TRAK1: variants seen among roughly 807,000 people sequenced by gnomAD.
TRAK1 encodes the protein trafficking kinesin protein 1.
A neutral mutation model predicts 92.1 loss-of-function variants in TRAK1; 33 were observed. The observed-to-expected ratio is 0.36, with a 90% CI of 0.27 to 0.48. The LOEUF is 0.48. TRAK1 is among the 20% of genes least tolerant of loss of function. TRAK1 has a pLI of 0.99. For synonymous variants in TRAK1, 521 were observed against 517.3 expected, an observed-to-expected ratio of 1.01 and a Z score of -0.10; for missense variants, 1,123 against 1,257.9, an observed-to-expected ratio of 0.89 and a Z score of 1.62.
intron 2 of TRAK1, among the ~76,000 whole-genome samples, chr3:42,126,789 TAAAC>T (rs760226753): frequency 6.6e-6 from 1 of 152,258 alleles, no homozygotes. Flanking sequence ...TTATTTGTAA[TAAAC>T]AAATTGGTAC....
At chr3:42,177,036 T>C in intron 3 of TRAK1, 146 bp downstream of exon 3, 1 of 697,154 alleles carries the variant, frequency 1.4e-6, no homozygotes, top group Non-Finnish European at 2.4e-6. Context: ...CTTTACTTTT[T>C]GAACTAGTAG....
intron 2 of TRAK1, among the ~76,000 whole-genome samples, chr3:42,171,979 G>A (rs543034017): frequency 1.4e-4 from 22 of 152,086 alleles, no homozygotes; most frequent in Admixed American, 3.3e-4. Flanking sequence ...CCCCCTCTCC[G>A]TCCCCATTAG....
chr3:42,104,907 C>G (rs1272769083), intron 1 of TRAK1, among the ~76,000 whole-genome samples: 3 of 151,626 alleles, frequency 2.0e-5, no homozygotes, highest in African/African-American at 4.9e-5. Context: ...CTTCTCCAAG[C>G]TAAAGGAGGA....
intron 2 of TRAK1, among the ~76,000 whole-genome samples, chr3:42,129,585 A>T (rs79389355): frequency 0.018 from 2,734 of 152,290 alleles, 66 homozygotes; most frequent in African/African-American, 0.057. Context: ...GTGGACTTGT[A>T]ACTCCTGAGT....
intron 2 of TRAK1, among the ~76,000 whole-genome samples, chr3:42,147,853 C>T (rs1470884736): frequency 6.6e-6 from 1 of 152,194 alleles, no homozygotes; most frequent in Non-Finnish European, 1.5e-5. Flanking sequence ...TTGAGGACCT[C>T]ACAACACAAC....
chr3:42,068,415 C>G (rs571533668), intron 1 of TRAK1, among the ~76,000 whole-genome samples: 2 of 152,292 alleles, frequency 1.3e-5, no homozygotes, highest in South Asian at 4.1e-4. Flanking sequence ...ATCCTTCAGC[C>G]TTGGTCTCCC....
chr3:42,217,617 G>T (rs1424183544), intron 14 of TRAK1: 3 of 985,234 alleles, frequency 3.0e-6, no homozygotes, highest in African/African-American at 3.5e-5. Context: ...TTAAATGGGG[G>T]TATGCTTCTG....
chr3:42,106,181 A>T (rs1707540346), intron 1 of TRAK1, among the ~76,000 whole-genome samples: 1 of 152,222 alleles, frequency 6.6e-6, no homozygotes, highest in Admixed American at 6.5e-5. Context: ...ATTAACCTTA[A>T]ATGTAAATGG....
At position 42,184,680 on chromosome 3, in the gene TRAK1, T is replaced by G. The variant is rs747929210; in HGVS notation, c.364-5T>G. 6.2e-7 allele frequency: 1 copy of G among 1,613,370 alleles called. No homozygotes were observed. The highest frequency in any genetic ancestry group is 8.5e-7 in the Non-Finnish European group (1 of 1,179,418). ...AATCTCTGTTCTCCCTCTTTCCTTT[T>G]GTAGAAAGAGCGGGATTTAGAATTG... On this transcript the variant is annotated splice_polypyrimidine_tract_variant and splice_region_variant and intron_variant, in intron 3 of 15. Coordinates refer to ENST00000327628, the MANE Select transcript of TRAK1 (RefSeq NM_001042646.3).
chr3:42,204,914 T>A (rs1222241527), intron 13 of TRAK1, among the ~76,000 whole-genome samples: 1 of 152,180 alleles, frequency 6.6e-6, no homozygotes, highest in African/African-American at 2.4e-5. Context: ...CAGTATTTTC[T>A]TTTTTCCCTC....
intron 14 of TRAK1, among the ~76,000 whole-genome samples, chr3:42,215,339 A>G (rs1481444511): frequency 6.6e-6 from 1 of 152,248 alleles, no homozygotes; most frequent in Non-Finnish European, 1.5e-5. Context: ...AGCAAAAGGC[A>G]ACAAAGTCAT....
chr3:42,149,260 T>A (rs1233311141), intron 2 of TRAK1: 2 of 1,334,658 alleles, frequency 1.5e-6, no homozygotes, highest in African/African-American at 3.0e-5. Flanking sequence ...CCAGTGCTGC[T>A]TTATTGGCAG....
chr3:42,176,344 T>C (rs1703208179), intron 2 of TRAK1, among the ~76,000 whole-genome samples: 2 of 152,188 alleles, frequency 1.3e-5, no homozygotes, highest in African/African-American at 4.8e-5. Context: ...TTAAGACTAT[T>C]GTTTAATAAT....
intron 14 of TRAK1, among the ~76,000 whole-genome samples, chr3:42,215,885 A>C (rs1169452079): frequency 6.6e-6 from 1 of 152,124 alleles, no homozygotes; most frequent in Non-Finnish European, 1.5e-5. Flanking sequence ...CCATAGCAAC[A>C]TGCCAAGTAC....
intron 1 of TRAK1, among the ~76,000 whole-genome samples, chr3:42,078,296 A>C (rs952966099): frequency 6.6e-6 from 1 of 152,188 alleles, no homozygotes; most frequent in African/African-American, 2.4e-5. Flanking sequence ...TATTCAGTCA[A>C]GCACGGATCT....
chr3:42,191,895 ATTTTT>A lies in TRAK1; in HGVS notation c.769+278_769+282del, dbSNP rs68023368. ...TTTGGCTTTATACTGGAATATTGGA[ATTTTT>A]TTTTTTTTTTTTTTTTTTGAGACAG... On this transcript the variant is annotated intron_variant, in intron 7 of 15. Coordinates refer to ENST00000327628, the MANE Select transcript of TRAK1 (RefSeq NM_001042646.3). Among the ~76,000 whole-genome samples the A allele has an allele frequency of 3.0e-4, 22 of 72,770 alleles. No homozygotes were observed. In the East Asian group the frequency reaches 3.5e-3, roughly 12 times the overall value. 47.7% of individuals were successfully genotyped at this position (72,770 alleles called of 152,430 possible).
chr3:42,053,087 G>A (rs1257705070), intron 1 of TRAK1, among the ~76,000 whole-genome samples: 1 of 152,174 alleles, frequency 6.6e-6, no homozygotes, highest in African/African-American at 2.4e-5. Flanking sequence ...GACTAAAGCT[G>A]TCTGATTCTT....
chr3:42,199,148 T>C lies in TRAK1; in HGVS notation c.1114-29T>C, dbSNP rs766304027. ...ACAGAGCATTTGAATTGGCGCTCAC[T>C]TGACATTTGTCTTTCTGGCTTTTCC... On this transcript the variant is annotated intron_variant, in intron 10 of 15. Coordinates refer to ENST00000327628, the MANE Select transcript of TRAK1 (RefSeq NM_001042646.3). The C allele has an allele frequency of 1.2e-5, 19 of 1,612,560 alleles. No individual in the cohort carries two copies. In the East Asian group the frequency reaches 4.2e-4, roughly 36 times the overall value.
intron 13 of TRAK1, among the ~76,000 whole-genome samples, chr3:42,207,987 G>A (rs1004418720): frequency 3.9e-5 from 6 of 152,256 alleles, no homozygotes; most frequent in African/African-American, 1.2e-4. Flanking sequence ...ACCAGATGCC[G>A]TTCGTCCACA....
Sources: allele counts gnomAD v4.1 joint callset (sites outside exome capture counted in the v4.1 genomes callset), GRCh38; gene constraint gnomAD v4.1.1; transcripts MANE v1.5; gene names NCBI Gene and HGNC (gene_info 2026-07-23, HGNC 2026-07-21).